The following SH3GL1 variants were observed in gnomAD, a reference collection of about 807,000 sequenced individuals.
The protein encoded by SH3GL1 is SH3 domain containing GRB2 like 1, endophilin A2.
A neutral mutation model predicts 48.8 loss-of-function variants in SH3GL1; 21 were observed. That is an observed-to-expected ratio of 0.43 (90% confidence interval 0.30 to 0.62). The LOEUF (loss-of-function observed/expected upper bound fraction) is 0.62. SH3GL1 is among the 20% of genes least tolerant of loss of function. The pLI is 0.11. For missense variants in SH3GL1, 454 were observed against 503.0 expected, an observed-to-expected ratio of 0.90 and a Z score of 0.93; for synonymous variants, 282 against 217.5, an observed-to-expected ratio of 1.30 and a Z score of -2.61.
chr19:4,392,623 C>G (rs1339883409), intron 1 of SH3GL1, among the ~76,000 whole-genome samples: 1 of 150,924 alleles, frequency 6.6e-6, no homozygotes, highest in Non-Finnish European at 1.5e-5. Context: ...GGTAGGAAAA[C>G]CAAGAGTGGC....
intron 1 of SH3GL1, among the ~76,000 whole-genome samples, chr19:4,372,956 T>C (rs538844029): frequency 4.5e-4 from 69 of 152,344 alleles, no homozygotes; most frequent in African/African-American, 1.6e-3. Flanking sequence ...CGGCGCTGGC[T>C]GCAGGCAGCT....
At chr19:4,371,148 C>G (rs890713544) in intron 1 of SH3GL1, among the ~76,000 whole-genome samples, 17 of 152,370 alleles carry the variant, frequency 1.1e-4, no homozygotes, top group Admixed American at 4.6e-4. Context: ...TCCTTTGAAG[C>G]CTGGCATTCA....
chr19:4,394,973 A>C (rs1392924241), intron 1 of SH3GL1, among the ~76,000 whole-genome samples: 1 of 152,270 alleles, frequency 6.6e-6, no homozygotes, highest in Non-Finnish European at 1.5e-5. Context: ...TGCCAAGCCA[A>C]GGAAGGGGTC....
chr19:4,370,962 C>T lies in SH3GL1; in HGVS notation c.46-3968G>A, dbSNP rs148013998. Among the ~76,000 whole-genome samples, 389 of 152,374 alleles carry T rather than the reference C, an allele frequency of 2.6e-3. 1 individual carries two copies. The highest frequency in any genetic ancestry group is 9.1e-3 in the African/African-American group (377 of 41,584). Reference sequence around the variant, plus strand: ...GAGATGCCCAGCGGAGACCTGCCCACTCTATGCTCACGCATCCCACCTGCA... The same window carrying T: ...GAGATGCCCAGCGGAGACCTGCCCATTCTATGCTCACGCATCCCACCTGCA... On this transcript the variant is annotated intron_variant, in intron 1 of 9. Transcript: ENST00000269886.
At chr19:4,369,156 T>G (rs901376981) in intron 1 of SH3GL1, among the ~76,000 whole-genome samples, 2 of 152,192 alleles carry the variant, frequency 1.3e-5, no homozygotes, top group Non-Finnish European at 1.5e-5. Flanking sequence ...AAGCAGGAAC[T>G]GTCCCTTGCG....
intron 1 of SH3GL1, among the ~76,000 whole-genome samples, chr19:4,387,843 C>A (rs1973264869): frequency 6.6e-6 from 1 of 151,984 alleles, no homozygotes; most frequent in South Asian, 2.1e-4. Context: ...ATTACTACGC[C>A]CGACGAATTT....
chr19:4,389,637 G>A lies in SH3GL1; in HGVS notation c.45+10687C>T, dbSNP rs371957714. Among the ~76,000 whole-genome samples the A allele has an allele frequency of 1.6e-4, 24 of 152,282 alleles. No homozygotes were observed. Among genetic ancestry groups the A allele is most frequent in the South Asian group, 8.3e-4 (4 of 4,830 alleles). Reference sequence around the variant, plus strand: ...AGACCTGCTTCTCTTCCTCTAGGGCGTGCTCACACAAACTCGACACGAGGC... The same window carrying A: ...AGACCTGCTTCTCTTCCTCTAGGGCATGCTCACACAAACTCGACACGAGGC... On this transcript the variant is annotated intron_variant, in intron 1 of 9. Coordinates refer to ENST00000269886, the MANE Select transcript of SH3GL1 (RefSeq NM_003025.4). This position sits in a 1 kb window ranked among gnomAD's most constrained non-coding sequence, Gnocchi z 4.5.
intron 1 of SH3GL1, among the ~76,000 whole-genome samples, chr19:4,379,607 T>A (rs560065506): frequency 2.4e-4 from 36 of 152,134 alleles, no homozygotes; most frequent in African/African-American, 8.7e-4. Context: ...ATTCCTGTCT[T>A]CCTACCAGCT....
At chr19:4,399,471 G>A (rs1973483091) in intron 1 of SH3GL1, among the ~76,000 whole-genome samples, 1 of 151,938 alleles carries the variant, frequency 6.6e-6, no homozygotes, top group African/African-American at 2.4e-5. Context: ...AAAGAAGGAA[G>A]GAAGGAACGA....
chr19:4,387,062 G>A (rs541182006), intron 1 of SH3GL1, among the ~76,000 whole-genome samples: 28 of 151,564 alleles, frequency 1.8e-4, no homozygotes, highest in African/African-American at 5.1e-4. Context: ...TCAGCCTCCC[G>A]AGTAGCTGGG....
intron 1 of SH3GL1, among the ~76,000 whole-genome samples, chr19:4,369,072 AAAAG>A (rs777457945): frequency 3.3e-5 from 5 of 152,044 alleles, no homozygotes; most frequent in Admixed American, 6.5e-5. Context: ...ACTCCATCTC[AAAAG>A]AAAGAAGAAA....
chr19:4,383,704 G>A (rs918948882), intron 1 of SH3GL1, among the ~76,000 whole-genome samples: 3 of 152,194 alleles, frequency 2.0e-5, no homozygotes, highest in African/African-American at 7.2e-5. Context: ...GCATGATGCT[G>A]GGACCATTCT....
intron 1 of SH3GL1, among the ~76,000 whole-genome samples, chr19:4,392,565 CACACAA>C (rs1377219049): frequency 1.5e-4 from 19 of 128,150 alleles, no homozygotes; most frequent in African/African-American, 3.8e-4. Context: ...CACACACACA[CACACAA>C]AAGATCATTC....
chr19:4,383,785 C>CG (rs1161508124), intron 1 of SH3GL1, among the ~76,000 whole-genome samples: 2 of 152,114 alleles, frequency 1.3e-5, no homozygotes, highest in Non-Finnish European at 2.9e-5. Flanking sequence ...AAATCCATGC[C>CG]GGAACACAGC....
intron 1 of SH3GL1, among the ~76,000 whole-genome samples, chr19:4,382,485 C>T (rs987937264): frequency 6.6e-6 from 1 of 152,054 alleles, no homozygotes; most frequent in South Asian, 2.1e-4. Flanking sequence ...TCTCGATCTC[C>T]TGACCTCGTG....
intron 1 of SH3GL1, among the ~76,000 whole-genome samples, chr19:4,382,343 C>T (rs867991315): frequency 1.9e-4 from 28 of 150,146 alleles, no homozygotes; most frequent in African/African-American, 5.6e-4. Context: ...CTGCAAGCTC[C>T]GCCTCCCGGG....
At chr19:4,388,944 A>T (rs1973285260) in intron 1 of SH3GL1, among the ~76,000 whole-genome samples, 1 of 152,186 alleles carries the variant, frequency 6.6e-6, no homozygotes, top group Non-Finnish European at 1.5e-5. Context: ...TTTTCAGAGC[A>T]GTCGGACCTG....
chr19:4,361,474 CG>C lies in SH3GL1; in HGVS notation c.*125del. ...CCTGCTCAGGGAGTACCTCAAGGGC[CG>C]GGGCCCAGGTGGCGCCGGCAGGCTC... is the stretch of plus-strand genomic sequence containing the variant. On this transcript the variant is annotated 3_prime_UTR_variant, in exon 10 of 10. Coordinates refer to ENST00000269886, the MANE Select transcript of SH3GL1 (RefSeq NM_003025.4). The C allele has an allele frequency of 1.4e-6, 1 of 699,122 alleles. No homozygotes were observed. Among genetic ancestry groups the C allele is most frequent in the Non-Finnish European group, 2.4e-6 (1 of 415,440 alleles). The allele number at this position is 699,122 out of a possible 1,614,324, so 43.3% of individuals were successfully genotyped here. A position where few individuals can be genotyped will look rare whatever the true frequency, so the allele number is the denominator to read the frequency against.
In SH3GL1 at chr19:4,364,239, G is replaced by A. The variant is rs780903774; in HGVS notation, c.332-18C>T. On this transcript the variant is annotated intron_variant, in intron 4 of 9. Transcript: ENST00000269886. ...TGCGTCACCTGTGGAGAAGTGGTGG[G>A]GGAAGCCATCATACCGGGCCTGGGA... is the stretch of plus-strand genomic sequence containing the variant. 1.9e-6 allele frequency: 3 copies of A among 1,613,738 alleles called. No homozygotes were observed. Among genetic ancestry groups the A allele is most frequent in the Non-Finnish European group, 2.5e-6 (3 of 1,179,960 alleles).
Sources: allele counts gnomAD v4.1 joint callset (sites outside exome capture counted in the v4.1 genomes callset), GRCh38; gene constraint gnomAD v4.1.1; non-coding constraint Gnocchi (gnomAD v3.1); transcripts MANE v1.5; gene names NCBI Gene and HGNC (gene_info 2026-07-23, HGNC 2026-07-21).